GPR161: variants seen among roughly 807,000 people sequenced by gnomAD.
The protein encoded by GPR161 is G-protein coupled receptor RE2.
A neutral mutation model predicts 39.2 loss-of-function variants in GPR161; 25 were observed. The observed-to-expected ratio is 0.64, with a 90% CI of 0.47 to 0.89. GPR161 has a LOEUF of 0.89. Ranked by LOEUF, GPR161 falls within the 40% of genes least tolerant of loss-of-function variation. The pLI, the probability that GPR161 is intolerant of heterozygous loss-of-function variation, is 0.00. For missense variants in GPR161, 547 were observed against 677.8 expected, an observed-to-expected ratio of 0.81 and a Z score of 2.14; for synonymous variants, 286 against 276.6, an observed-to-expected ratio of 1.03 and a Z score of -0.34.
At chr1:168,119,216 A>ACATATATATATGTATATATATACGTG in intron 1 of GPR161, among the ~76,000 whole-genome samples, 1 of 121,220 alleles carries the variant, frequency 8.2e-6, no homozygotes, top group African/African-American at 3.6e-5. Flanking sequence ...ATATGTATAC[A>ACATATATATATGTATATATATACGTG]TATATATATA....
chr1:168,124,473 G>A (rs1329231421), intron 1 of GPR161, among the ~76,000 whole-genome samples: 1 of 152,094 alleles, frequency 6.6e-6, no homozygotes, highest in Non-Finnish European at 1.5e-5. Flanking sequence ...ATAATAATTT[G>A]AGGTCATTAA....
intron 1 of GPR161, among the ~76,000 whole-genome samples, chr1:168,132,582 C>T (rs1442706072): frequency 1.4e-5 from 2 of 143,718 alleles, no homozygotes; most frequent in Non-Finnish European, 3.0e-5. Context: ...AGCAAGACTC[C>T]GTCTCAAAAA....
intron 1 of GPR161, among the ~76,000 whole-genome samples, chr1:168,112,902 T>C (rs538936802): frequency 6.6e-6 from 1 of 152,276 alleles, no homozygotes; most frequent in Non-Finnish European, 1.5e-5. Flanking sequence ...CAGAGTTGGC[T>C]TGCAGTCTTT....
At chr1:168,103,441 A>AAAG (rs1553264467) in intron 2 of GPR161, among the ~76,000 whole-genome samples, 3 of 150,282 alleles carry the variant, frequency 2.0e-5, no homozygotes, top group Non-Finnish European at 3.0e-5. Context: ...AAAAAAAAAA[A>AAAG]AGAGAAGCTA....
In GPR161 at chr1:168,098,490, G is replaced by A. The variant is rs116152872; in HGVS notation, c.375-1258C>T. ...AGGGACGGGTGGCCACACTGATGCC[G>A]CCTGGCAGGACGTTGGGAAATGACT... On this transcript the variant is annotated intron_variant, in intron 2 of 5. Coordinates refer to ENST00000682931, the MANE Select transcript of GPR161 (RefSeq NM_001375883.1). The surrounding 1 kb of genome is among the most constrained non-coding windows in gnomAD (Gnocchi z 4.1). Among the ~76,000 whole-genome samples, 3,862 of 152,340 alleles carry A rather than the reference G, an allele frequency of 0.025. 157 individuals are homozygous for A. Among genetic ancestry groups the A allele is most frequent in the African/African-American group, 0.087 (3,619 of 41,572 alleles).
upstream of GPR161, chr1:168,137,610 G>A (rs1163863605): frequency 3.3e-6 from 2 of 600,226 alleles, no homozygotes; most frequent in East Asian, 2.8e-5. Flanking sequence ...CAGCTCGGGG[G>A]ACGGAACAGT....
In GPR161 at chr1:168,085,493, A is replaced by C. The variant is rs747100282; in HGVS notation, c.*38T>G. The C allele has an allele frequency of 7.0e-5, 110 of 1,582,332 alleles. No individual in the cohort carries two copies. Among genetic ancestry groups the C allele is most frequent in the Non-Finnish European group, 8.5e-5 (99 of 1,159,262 alleles). On this transcript the variant is annotated 3_prime_UTR_variant, in exon 6 of 6. Coordinates refer to ENST00000682931, the MANE Select transcript of GPR161 (RefSeq NM_001375883.1). ...GGTGATGGGAACTCCTCCCCGGGCC[A>C]GCCTCTCAGGCTGCAGCCCCACGGC...
At chr1:168,110,122 A>G (rs1332301217) in intron 1 of GPR161, among the ~76,000 whole-genome samples, 1 of 152,232 alleles carries the variant, frequency 6.6e-6, no homozygotes, top group Non-Finnish European at 1.5e-5. Context: ...ACCTGATGAA[A>G]GTGAGCACAT....
intron 1 of GPR161, among the ~76,000 whole-genome samples, chr1:168,110,419 A>T (rs1319724080): frequency 6.7e-6 from 1 of 149,882 alleles, no homozygotes; most frequent in Non-Finnish European, 1.5e-5. Flanking sequence ...TAATCACCAG[A>T]GCCCAGGAGG....
intron 1 of GPR161, among the ~76,000 whole-genome samples, chr1:168,108,953 G>A (rs563643482): frequency 2.0e-5 from 3 of 152,216 alleles, no homozygotes; most frequent in East Asian, 1.9e-4. Flanking sequence ...GGAGATAAAC[G>A]ATACAAATTA....
intron 1 of GPR161, among the ~76,000 whole-genome samples, chr1:168,134,451 C>T (rs922613892): frequency 1.9e-4 from 29 of 152,196 alleles, no homozygotes; most frequent in African/African-American, 6.5e-4. Context: ...AATCCCTCCT[C>T]CAAACTCCAG....
intron 1 of GPR161, among the ~76,000 whole-genome samples, chr1:168,110,085 A>G (rs1348561899): frequency 2.6e-5 from 4 of 152,238 alleles, no homozygotes; most frequent in Non-Finnish European, 5.9e-5. Context: ...TTTATAAGGA[A>G]TTTATAAGGA....
At chr1:168,096,377 G>A (rs527451797) in intron 3 of GPR161, 131 bp downstream of exon 3, 411 of 937,224 alleles carry the variant, frequency 4.4e-4, no homozygotes, top group Non-Finnish European at 6.1e-4. Flanking sequence ...TGTTTCTTCC[G>A]AAAGGAAATC....
chr1:168,124,287 C>T (rs1698426422), intron 1 of GPR161, among the ~76,000 whole-genome samples: 1 of 152,176 alleles, frequency 6.6e-6, no homozygotes, highest in South Asian at 2.1e-4. Context: ...TGCACTAACA[C>T]TCAAGCTAAT....
rs75637300 is a variant in GPR161 at position 168,091,669 on chromosome 1, A to G, written c.1100-1001T>C. On this transcript the variant is annotated intron_variant, in intron 3 of 5. Transcript: ENST00000682931. ...GTGAAAGACAGAGATGGGAAAAAAG[A>G]AAAGAAAAATGGACCTCAGAGGATT... is the stretch of plus-strand genomic sequence containing the variant. Among the ~76,000 whole-genome samples, 544 of 152,316 alleles carry G rather than the reference A, an allele frequency of 3.6e-3. 6 individuals are homozygous for G. The highest frequency in any genetic ancestry group is 0.013 in the African/African-American group (529 of 41,580).
intron 1 of GPR161, among the ~76,000 whole-genome samples, chr1:168,123,898 C>T (rs1698398405): frequency 6.6e-6 from 1 of 152,232 alleles, no homozygotes; most frequent in African/African-American, 2.4e-5. Flanking sequence ...AACTGTGAAG[C>T]CACTACACCC....
At chr1:168,096,448 C>T in intron 3 of GPR161, 60 bp downstream of exon 3, 1 of 1,546,370 alleles carries the variant, frequency 6.5e-7, no homozygotes, top group Non-Finnish European at 8.8e-7. Context: ...GCCAGAGTGG[C>T]TGAGAGGACC....
chr1:168,090,620 G>T lies in GPR161; in HGVS notation c.1148C>A (p.Pro383His), dbSNP rs767259032. The change falls in exon 4 of 6, where the codon CCC becomes CAC. Residue 383 changes from proline to histidine, a missense_variant. Transcript: ENST00000682931. Reference protein sequence around the residue: ...HLTALMAGGQPLGHSSSTGDT... With the variant: ...HLTALMAGGQHLGHSSSTGDT... ...CCCCGTGCTGCTGCTGTGCCCCAGG[G>T]GCTGTCCACCTGCCATGAGCGCAGT... is the stretch of plus-strand genomic sequence containing the variant. 2 of 1,612,010 alleles carry T rather than the reference G, an allele frequency of 1.2e-6. No homozygotes were observed. Among genetic ancestry groups the T allele is most frequent in the South Asian group, 2.2e-5 (2 of 90,944 alleles).
Position 168,087,600 on chromosome 1 carries a change from C to T in GPR161, c.1309G>A (p.Val437Met), listed in dbSNP as rs746712600. The T allele has an allele frequency of 1.2e-6, 2 of 1,614,154 alleles. No homozygotes were observed. Among genetic ancestry groups the T allele is most frequent in the Non-Finnish European group, 1.7e-6 (2 of 1,180,000 alleles). The change falls in exon 5 of 6, where the codon GTG becomes ATG. Residue 437 changes from valine to methionine, a missense_variant. Physicochemically the swap from Val to Met is conservative, Grantham distance 21. Transcript: ENST00000682931. ...AGAAGCCAACCTTTGATTTGTTCCA[C>T]TTCATCCTCAAATGTCACCGAGCTC... Reference protein sequence around the residue: ...RRSSVTFEDEVEQIKEAAKNS... With the variant: ...RRSSVTFEDEMEQIKEAAKNS...
Sources: allele counts gnomAD v4.1 joint callset (sites outside exome capture counted in the v4.1 genomes callset), GRCh38; gene constraint gnomAD v4.1.1; non-coding constraint Gnocchi (gnomAD v3.1); transcripts MANE v1.5; gene names NCBI Gene and HGNC (gene_info 2026-07-23, HGNC 2026-07-21).